SMG1: variants seen among roughly 807,000 people sequenced by gnomAD.
SMG1 encodes the protein serine/threonine-protein kinase SMG1.
A neutral mutation model predicts 419.9 loss-of-function variants in SMG1; 22 were observed. The observed-to-expected ratio is 0.05, with a 90% confidence interval of 0.04 to 0.07. SMG1 has a LOEUF of 0.07. Ranked by LOEUF, SMG1 falls within the 10% of genes least tolerant of loss-of-function variation. The pLI is 1.00. For missense variants in SMG1, 3,185 were observed against 4,342.0 expected (o/e 0.73, Z 7.49); for synonymous variants, 1,538 against 1,553.5 (o/e 0.99, Z 0.23).
intron 3 of SMG1, among the ~76,000 whole-genome samples, chr16:18,893,960 G>A (rs1015208612): frequency 2.4e-4 from 36 of 151,978 alleles, no homozygotes; most frequent in Admixed American, 7.2e-4. Context: ...GGGAGGCTGA[G>A]GCAGGAGAAT....
At chr16:18,858,419 C>A (rs969073771) in intron 28 of SMG1, 129 bp from the exon 29 acceptor site, 12 of 637,466 alleles carry the variant, frequency 1.9e-5, no homozygotes, top group Non-Finnish European at 2.8e-5. Context: ...GTAGTTTTAT[C>A]TATTACACTA....
At chr16:18,883,046 G>A (rs181445719) in intron 9 of SMG1, among the ~76,000 whole-genome samples, 47 of 152,204 alleles carry the variant, frequency 3.1e-4, no homozygotes, top group Admixed American at 2.0e-3. Context: ...ACACAGAAGC[G>A]AAACACTTCC....
intron 13 of SMG1, among the ~76,000 whole-genome samples, chr16:18,874,545 C>T (rs1203623163): frequency 7.1e-6 from 1 of 140,244 alleles, no homozygotes; most frequent in Non-Finnish European, 1.5e-5. Context: ...AAGAGCAGGG[C>T]CATGTCGAAT....
chr16:18,900,821 A>T (rs1272220152), intron 1 of SMG1, among the ~76,000 whole-genome samples: 1 of 152,248 alleles, frequency 6.6e-6, no homozygotes. Flanking sequence ...CTAATGGTTA[A>T]TACCACTTGA....
At chr16:18,828,251 C>A in intron 54 of SMG1, 83 bp from the exon 55 acceptor site, 3 of 1,388,522 alleles carry the variant, frequency 2.2e-6, no homozygotes, top group South Asian at 1.4e-5. Context: ...CAACCTAGGA[C>A]TGGCGGAAGA....
intron 35 of SMG1, 37 bp from the exon 36 acceptor site, chr16:18,849,415 A>T: frequency 6.4e-7 from 1 of 1,561,800 alleles, no homozygotes; most frequent in East Asian, 2.3e-5. Flanking sequence ...CTTTAAAGTT[A>T]TTTAAAACTA....
At chr16:18,814,943 T>G (rs1453827250) in intron 60 of SMG1, among the ~76,000 whole-genome samples, 1 of 149,272 alleles carries the variant, frequency 6.7e-6, no homozygotes, top group Non-Finnish European at 1.5e-5. Flanking sequence ...GGTCTTGAAC[T>G]CCTGGCCTTA....
intron 54 of SMG1, 126 bp downstream of exon 54, chr16:18,829,160 T>G: frequency 1.4e-6 from 1 of 710,494 alleles, no homozygotes; most frequent in South Asian, 1.9e-5. Context: ...TATGGTGTGT[T>G]TGCATTGGGT....
In SMG1 at chr16:18,839,253, T is replaced by C. The variant is rs141441768; in HGVS notation, c.6945+445A>G. On this transcript the variant is annotated intron_variant, in intron 42 of 62. Transcript: ENST00000446231. ...TAGGTCTTTACGTGAGTAAATTGTATGTCACTGGGGTTTGATGTACACATT... is the reference window on the plus strand; with the variant it reads ...TAGGTCTTTACGTGAGTAAATTGTACGTCACTGGGGTTTGATGTACACATT... Among the ~76,000 whole-genome samples the C allele has an allele frequency of 2.2e-4, 33 of 152,254 alleles. 1 individual carries two copies. The South Asian group carries it at 6.2e-3, about 29-fold the overall frequency.
At chr16:18,890,743 C>A (rs1214995781) in intron 5 of SMG1, 120 bp downstream of exon 5, 1 of 642,052 alleles carries the variant, frequency 1.6e-6, no homozygotes. Flanking sequence ...ACAAGACCCA[C>A]TGAAATGTCA....
At chr16:18,854,992 C>T (rs963953939) in intron 29 of SMG1, 88 bp from the exon 30 acceptor site, 66 of 1,273,708 alleles carry the variant, frequency 5.2e-5, no homozygotes, top group Non-Finnish European at 7.0e-5. Flanking sequence ...CCCCAACTAT[C>T]CCTCTTCTGC....
intron 3 of SMG1, among the ~76,000 whole-genome samples, chr16:18,894,679 T>TAAA (rs34559113): frequency 2.0e-3 from 248 of 121,198 alleles, no homozygotes; most frequent in South Asian, 2.5e-3. Context: ...CACACAGTAT[T>TAAA]AAAAAAAAAA....
intron 1 of SMG1, 61 bp from the exon 2 acceptor site, chr16:18,897,017 T>C: frequency 1.6e-6 from 2 of 1,233,036 alleles, no homozygotes; most frequent in South Asian, 1.5e-5. Context: ...TATTTCTTTA[T>C]ACAAGCCTCT....
chr16:18,903,191 TTTCC>T lies in SMG1; in HGVS notation c.93-6239_93-6236del, dbSNP rs201957594. ...AAGATTTGACTTCAGTGTTGCTTAT[TTTCC>T]TTCCAAGGAACCTCTAATATTCTCT... On this transcript the variant is annotated intron_variant, in intron 1 of 62. Transcript: ENST00000446231. 2.7e-3 allele frequency among the ~76,000 whole-genome samples: 407 copies of T among 152,320 alleles called. 2 individuals carry two copies. The highest frequency in any genetic ancestry group is 9.3e-3 in the African/African-American group (386 of 41,568).
At chr16:18,831,774 C>CAT (rs67247211) in intron 51 of SMG1, among the ~76,000 whole-genome samples, 43,655 of 129,184 alleles carry the variant, frequency 0.34, 7,476 homozygotes, top group Non-Finnish European at 0.36. Flanking sequence ...AAAAAAAATA[C>CAT]ATATATATAT....
chr16:18,871,449 A>T lies in SMG1; in HGVS notation c.2217T>A (p.Ala739=). Reference sequence around the variant, plus strand: ...ATGTTTCAGACTTCTTCATTAAAACAGCTGCTTCCAAAGCCCAAGTCATTA... The same window carrying T: ...ATGTTTCAGACTTCTTCATTAAAACTGCTGCTTCCAAAGCCCAAGTCATTA... ...KLLMTWALEA[A]VLMKKSETYA... is the part of the protein sequence containing the mutation. Residue 739 remains alanine, a synonymous_variant, in exon 16 of 63, where the codon GCT becomes GCA. Transcript: ENST00000446231. The T allele has an allele frequency of 6.2e-7, 1 of 1,601,178 alleles. No homozygotes were observed. Among genetic ancestry groups the T allele is most frequent in the Non-Finnish European group, 8.5e-7 (1 of 1,176,218 alleles).
chr16:18,870,413 A>G (rs185534641), intron 18 of SMG1, among the ~76,000 whole-genome samples, 197 bp downstream of exon 18: 15 of 152,352 alleles, frequency 9.8e-5, no homozygotes, highest in African/African-American at 3.6e-4. Context: ...TGAGCCTATA[A>G]AGCTCATTAA....
intron 6 of SMG1, among the ~76,000 whole-genome samples, chr16:18,888,892 G>A (rs892072895): frequency 2.9e-5 from 4 of 139,138 alleles, no homozygotes; most frequent in African/African-American, 5.5e-5. Context: ...GCGTGATCTC[G>A]ACTCACTGCA....
rs766574891 is a variant in SMG1, at chr16:18,845,505, A to G, written c.6143T>C (p.Ile2048Thr). Residue 2048 changes from isoleucine (I) to threonine (T), a missense_variant, in exon 39 of 63, where the codon ATT becomes ACT. Ile to Thr is a moderately conservative substitution (Grantham distance 89). This residue lies in a region of SMG1 where 159 missense variants were observed against 196.0 expected (regional missense o/e 0.81). Coordinates refer to ENST00000446231, the MANE Select transcript of SMG1 (RefSeq NM_015092.5). Reference protein sequence around the residue: ...KWFQDNYGDAIENALEKLKTP... With the variant: ...KWFQDNYGDATENALEKLKTP... The stretch of plus-strand genomic sequence containing the variant: ...CTTCAGTTTTTCTAGGGCATTTTCA[A>G]TGGCATCACCATAGTTATCCTGAAA... 1.3e-5 allele frequency: 21 copies of G among 1,613,908 alleles called. No individual in the cohort carries two copies. Among genetic ancestry groups the G allele is most frequent in the Non-Finnish European group, 1.6e-5 (19 of 1,179,880 alleles).
Sources: gnomAD v4.1 joint callset for allele counts (sites outside exome capture counted in the v4.1 genomes callset) on GRCh38, gnomAD v4.1.1 for gene constraint, gnomAD v4.1.1 regional missense constraint, MANE v1.5 for transcripts, NCBI Gene and HGNC (gene_info 2026-07-23, HGNC 2026-07-21) for gene names.